ELMO1: variants seen among roughly 807,000 people sequenced by gnomAD.
The protein encoded by ELMO1 is engulfment and cell motility protein 1.
ELMO1 carries 26 observed loss-of-function variants against 98.9 expected under a neutral mutation model. That is an observed-to-expected ratio of 0.26 (90% CI 0.19 to 0.36). The LOEUF (loss-of-function observed/expected upper bound fraction) is 0.36, where lower values mean the gene tolerates loss of function less well. Ranked by LOEUF, ELMO1 falls within the 10% of genes least tolerant of loss-of-function variation. The probability of loss-of-function intolerance (pLI) is 1.00; values close to 1 mark genes in which losing one functional copy is unlikely to be tolerated. For missense variants in ELMO1, 627 were observed against 935.2 expected (o/e 0.67, Z 4.30); for synonymous variants, 346 against 346.0 (o/e 1.00, Z 0.00).
intron 7 of ELMO1, among the ~76,000 whole-genome samples, chr7:37,237,955 A>T (rs1290791687): frequency 3.9e-5 from 6 of 152,194 alleles, no homozygotes; most frequent in African/African-American, 1.4e-4. Flanking sequence ...ACCTTATAGG[A>T]AGTATTGAAA....
chr7:37,340,061 G>C (rs944994312), intron 2 of ELMO1, among the ~76,000 whole-genome samples: 1 of 152,126 alleles, frequency 6.6e-6, no homozygotes, highest in African/African-American at 2.4e-5. Flanking sequence ...AGATCAAAGA[G>C]ACCTGACAAT....
Position 37,180,354 on chromosome 7 carries a change from GA to G in ELMO1, c.1086+31031del, listed in dbSNP as rs756670161. Among the ~76,000 whole-genome samples the G allele has an allele frequency of 6.8e-4, 104 of 152,292 alleles. 1 individual carries two copies. In the Middle Eastern group the frequency reaches 0.01, roughly 15 times the overall value. On this transcript the variant is annotated intron_variant, in intron 13 of 21. Coordinates refer to ENST00000310758, the MANE Select transcript of ELMO1 (RefSeq NM_014800.11). ...TCAGGACCCATTTTCCCTTGGGAGG[GA>G]GATGATATATAAGAACTTGAATCTA...
intron 7 of ELMO1, among the ~76,000 whole-genome samples, chr7:37,242,258 C>T (rs1444687870): frequency 1.3e-5 from 2 of 152,148 alleles, no homozygotes; most frequent in Non-Finnish European, 2.9e-5. Context: ...GTAAAATTTT[C>T]ACTTTATTGT....
intron 15 of ELMO1, among the ~76,000 whole-genome samples, chr7:37,092,545 A>T (rs571824654): frequency 6.6e-6 from 1 of 151,328 alleles, no homozygotes; most frequent in East Asian, 2.0e-4. Context: ...TGCCCGGCTA[A>T]TTTTGTATTT....
rs1258502011 is a variant in ELMO1, at chr7:37,342,631, T to C, written c.60A>G (p.Lys20=). 1 of 1,613,048 alleles carries C rather than the reference T, an allele frequency of 6.2e-7. No homozygotes were observed. The highest frequency in any genetic ancestry group is 8.5e-7 in the Non-Finnish European group (1 of 1,179,690). ...VAIEWPGAYP[K]LMEIDQKKPL... ...TACTAACCTGATCAATTTCCATGAG[T>C]TTGGGGTAGGCGCCCGGCCATTCTA... Residue 20 remains lysine (K), a synonymous_variant, in exon 2 of 22, where the codon AAA becomes AAG. Coordinates refer to ENST00000310758, the MANE Select transcript of ELMO1 (RefSeq NM_014800.11). This position sits in a 1 kb window ranked among gnomAD's most constrained non-coding sequence, Gnocchi z 4.3.
At chr7:37,119,911 C>A (rs966332994) in intron 14 of ELMO1, among the ~76,000 whole-genome samples, 3 of 152,134 alleles carry the variant, frequency 2.0e-5, no homozygotes, top group Non-Finnish European at 2.9e-5. Flanking sequence ...GACGCTGAAG[C>A]AAGGTTCTGT....
chr7:37,238,228 C>A (rs185765980), intron 7 of ELMO1, among the ~76,000 whole-genome samples: 3 of 152,196 alleles, frequency 2.0e-5, no homozygotes, highest in Admixed American at 6.5e-5. Flanking sequence ...TATTTCCCCT[C>A]ATTTATTTAT....
At chr7:37,411,050 C>T (rs1170550734) in intron 1 of ELMO1, among the ~76,000 whole-genome samples, 1 of 152,150 alleles carries the variant, frequency 6.6e-6, no homozygotes, top group African/African-American at 2.4e-5. Context: ...CCCGGAACAG[C>T]AAGAACAGGA....
chr7:37,427,362 A>C (rs1804752191), intron 1 of ELMO1, among the ~76,000 whole-genome samples: 1 of 152,236 alleles, frequency 6.6e-6, no homozygotes. Context: ...CTCCAGGAAA[A>C]ACACTTGCTT....
At chr7:36,903,609 G>A (rs1336970811) in intron 16 of ELMO1, among the ~76,000 whole-genome samples, 4 of 152,216 alleles carry the variant, frequency 2.6e-5, no homozygotes. Flanking sequence ...CCTGGAATGG[G>A]TTCTGGACAT....
intron 20 of ELMO1, among the ~76,000 whole-genome samples, chr7:36,862,542 A>C (rs1222758110): frequency 6.6e-6 from 1 of 152,272 alleles, no homozygotes; most frequent in Non-Finnish European, 1.5e-5. Flanking sequence ...CACACTTCTC[A>C]AACTGTACAT....
intron 13 of ELMO1, among the ~76,000 whole-genome samples, chr7:37,198,100 T>A (rs1012093679): frequency 2.6e-5 from 4 of 152,214 alleles, no homozygotes; most frequent in Non-Finnish European, 5.9e-5. Context: ...TGCTAATTCC[T>A]GAGTAGCAAA....
chr7:37,447,337 T>C (rs1266890392), intron 1 of ELMO1, among the ~76,000 whole-genome samples: 1 of 152,158 alleles, frequency 6.6e-6, no homozygotes, highest in Non-Finnish European at 1.5e-5. Context: ...TCTTAGATTA[T>C]CTGAAATCTT....
intron 13 of ELMO1, among the ~76,000 whole-genome samples, chr7:37,191,976 G>C (rs1015293751): frequency 6.6e-6 from 1 of 152,192 alleles, no homozygotes; most frequent in South Asian, 2.1e-4. Flanking sequence ...GGTGTACTGA[G>C]GACACATGGA....
At chr7:37,417,420 C>T (rs28581678) in intron 1 of ELMO1, among the ~76,000 whole-genome samples, 16 of 152,006 alleles carry the variant, frequency 1.1e-4, no homozygotes, top group Non-Finnish European at 1.8e-4. Flanking sequence ...CCAGCACTTT[C>T]GGAGGCCGAG....
At chr7:36,894,796 T>C in intron 17 of ELMO1, 58 bp downstream of exon 17, 1 of 1,607,604 alleles carries the variant, frequency 6.2e-7, no homozygotes, top group Non-Finnish European at 8.5e-7. Flanking sequence ...AGGCGGTCAT[T>C]CTAGAAATAG....
At chr7:37,370,117 G>A (rs1475779910) in intron 1 of ELMO1, among the ~76,000 whole-genome samples, 2 of 152,178 alleles carry the variant, frequency 1.3e-5, no homozygotes, top group African/African-American at 4.8e-5. Context: ...CTCCGCCTCT[G>A]CTCTCCTGAG....
chr7:37,265,811 C>T (rs1025683896), intron 5 of ELMO1, among the ~76,000 whole-genome samples: 4 of 152,158 alleles, frequency 2.6e-5, no homozygotes, highest in Non-Finnish European at 5.9e-5. Flanking sequence ...TTCCAGCCCA[C>T]AGCTTTAAAT....
chr7:37,207,538 G>A (rs889966990), intron 13 of ELMO1, among the ~76,000 whole-genome samples: 2 of 152,070 alleles, frequency 1.3e-5, no homozygotes, highest in African/African-American at 4.8e-5. Flanking sequence ...GTGACAGAGC[G>A]AGACTCTGTC....
Sources: gnomAD v4.1 joint callset for allele counts (sites outside exome capture counted in the v4.1 genomes callset) on GRCh38, gnomAD v4.1.1 for gene constraint, Gnocchi (gnomAD v3.1) non-coding constraint, MANE v1.5 for transcripts, NCBI Gene and HGNC (gene_info 2026-07-23, HGNC 2026-07-21) for gene names.